Variants in GSDMD observed in about 807,000 individuals in gnomAD.
The protein encoded by GSDMD is gasdermin D, also known as gasdermin-D.
A neutral mutation model predicts 46.7 loss-of-function variants in GSDMD; 46 were observed. The observed-to-expected ratio is 0.99, with a 90% CI of 0.78 to 1.26. GSDMD has a LOEUF of 1.26. Ranked by LOEUF, GSDMD falls within the 50% of genes most tolerant of loss-of-function variation. The pLI is 0.00. For missense variants in GSDMD, 649 were observed against 638.8 expected (o/e 1.02, Z -0.17); for synonymous variants, 307 against 283.1 (o/e 1.08, Z -0.85).
rs1270424384 is a variant in GSDMD, at chr8:143,560,721, A to G, written c.529A>G (p.Lys177Glu). Residue 177 changes from lysine to glutamate, a missense_variant, in exon 4 of 11, where the codon AAG becomes GAG. Coordinates refer to ENST00000262580, the MANE Select transcript of GSDMD (RefSeq NM_024736.7). ...GGAGGTGGAAGTCACGCGCACCCAC[A>G]AGCGGGAGGGCTCGGGCCGGTTTTC... ...QKEVEVTRTHKREGSGRFSLP... is the reference protein window; with the variant it reads ...QKEVEVTRTHEREGSGRFSLP... 2 of 1,572,644 alleles carry G rather than the reference A, an allele frequency of 1.3e-6. No homozygotes were observed. Among genetic ancestry groups the G allele is most frequent in the Non-Finnish European group, 1.7e-6 (2 of 1,159,150 alleles).
At chr8:143,558,290 G>A (rs1823356486), upstream of GSDMD, 2 of 1,487,996 alleles carry the variant, frequency 1.3e-6, no homozygotes, top group Non-Finnish European at 1.8e-6. Flanking sequence ...GGGGGCCGGG[G>A]CGGGCTCTCC....
chr8:143,554,166 C>A (rs1823258125), upstream of GSDMD, among the ~76,000 whole-genome samples: 2 of 152,240 alleles, frequency 1.3e-5, no homozygotes, highest in African/African-American at 4.8e-5. Context: ...CTTCCTGCAG[C>A]GGACAGCCAC....
At chr8:143,558,295 C>A (rs1461408029), upstream of GSDMD, 15 of 1,493,896 alleles carry the variant, frequency 1.0e-5, no homozygotes, top group South Asian at 2.5e-5. Flanking sequence ...CCGGGGCGGG[C>A]TCTCCGGGAC....
chr8:143,560,889 T>C, intron 4 of GSDMD, 113 bp from the exon 5 acceptor site: 1 of 1,433,552 alleles, frequency 7.0e-7, no homozygotes. Context: ...GCCCTGCGCT[T>C]GGCTGCGGAG....
chr8:143,558,041 T>C (rs1389182508), upstream of GSDMD: 5 of 380,742 alleles, frequency 1.3e-5, no homozygotes, highest in South Asian at 4.1e-5. Context: ...ATCACAGGCA[T>C]GCGCCACCAC....
In GSDMD at chr8:143,560,696, G is replaced by A; in HGVS notation, c.504G>A (p.Lys168=). 1.3e-6 allele frequency: 2 copies of A among 1,584,588 alleles called. No individual in the cohort carries two copies. Among genetic ancestry groups the A allele is most frequent in the South Asian group, 1.1e-5 (1 of 87,252 alleles). ...YVVTEVLQTQ[K]EVEVTRTHKR... ...TGACTGAGGTGCTGCAGACACAGAA[G>A]GAGGTGGAAGTCACGCGCACCCACA... is the stretch of plus-strand genomic sequence containing the variant. The change falls in exon 4 of 11, where the codon AAG becomes AAA. Residue 168 remains lysine, a synonymous_variant. Transcript: ENST00000262580.
Position 143,561,418 on chromosome 8 carries a change from C to A in GSDMD, c.731C>A (p.Ala244Glu). The A allele has an allele frequency of 1.9e-6, 3 of 1,611,286 alleles. No homozygotes were observed. Among genetic ancestry groups the A allele is most frequent in the Non-Finnish European group, 2.5e-6 (3 of 1,179,428 alleles). Reference protein sequence around the residue: ...DKKQRTFQPPATGHKRSTSEG... With the variant: ...DKKQRTFQPPETGHKRSTSEG... ...AAGCAGAGGACCTTCCAGCCACCCG[C>A]GACAGGTGAGAGCCGAGAGCCCCCA... The change falls in exon 6 of 11, where the codon GCG (alanine) becomes GAG (glutamate). Residue 244 changes from alanine (A) to glutamate (E), a missense_variant. Transcript: ENST00000262580.
chr8:143,558,793 G>A, intron 1 of GSDMD: 2 of 593,130 alleles, frequency 3.4e-6, no homozygotes, highest in Non-Finnish European at 6.3e-6. Context: ...CCTCCACAGT[G>A]GCCCAGGTGC....
rs753632953 is a variant in GSDMD at position 143,560,901 on chromosome 8, C to T, written c.580-101C>T. Reference sequence around the variant, plus strand: ...CCAGCCCTGCGCTTGGCTGCGGAGCCGAAGTCACCTGGCGGCGGGCCTGCC... The same window carrying T: ...CCAGCCCTGCGCTTGGCTGCGGAGCTGAAGTCACCTGGCGGCGGGCCTGCC... On this transcript the variant is annotated intron_variant, in intron 4 of 10. Coordinates refer to ENST00000262580, the MANE Select transcript of GSDMD (RefSeq NM_024736.7). The T allele has an allele frequency of 3.1e-5, 44 of 1,438,434 alleles. No homozygotes were observed. In the African/African-American group the frequency reaches 3.7e-4, roughly 12 times the overall value. The allele number at this position is 1,438,434 out of a possible 1,614,324, so 89.1% of individuals were successfully genotyped here.
intron 3 of GSDMD, chr8:143,560,384 G>T: frequency 3.1e-6 from 2 of 635,334 alleles, no homozygotes; most frequent in East Asian, 2.7e-5. Context: ...AGGTGAGGGG[G>T]CCGCACCTCG....
rs753943906 is a variant in GSDMD, at chr8:143,562,907, TGTGCCCG to T, written c.*5_*11del. ...GACTGAGCCAGGAGCCCCACTAGCC[TGTGCCCG>T]GGCATGGCCTGGCAGCTCTCCAGCA... On this transcript the variant is annotated 3_prime_UTR_variant, in exon 11 of 11. Coordinates refer to ENST00000262580, the MANE Select transcript of GSDMD (RefSeq NM_024736.7). 6 of 1,611,976 alleles carry T rather than the reference TGTGCCCG, an allele frequency of 3.7e-6. 1 individual carries two copies. Among genetic ancestry groups the T allele is most frequent in the Non-Finnish European group, 5.1e-6 (6 of 1,179,958 alleles).
Position 143,559,464 on chromosome 8 carries a change from G to A in GSDMD, c.129G>A (p.Lys43=). ...GFQPYCLVVR[K]PSSSWFWKPR... ...AGCCCTACTGCCTGGTGGTTAGGAA[G>A]CCCTCAAGCTCATGGTTCTGGAAAC... Residue 43 remains lysine (K), a synonymous_variant, in exon 2 of 11, where the codon AAG becomes AAA. Transcript: ENST00000262580. 6.2e-7 allele frequency: 1 copy of A among 1,612,934 alleles called. No individual in the cohort carries two copies.
rs373227688 is a variant in GSDMD, at chr8:143,559,489, C to T, written c.154C>T (p.Pro52Ser). 18 of 1,612,798 alleles carry T rather than the reference C, an allele frequency of 1.1e-5. No individual in the cohort carries two copies. The highest frequency in any genetic ancestry group is 1.4e-5 in the Non-Finnish European group (17 of 1,180,014). Reference protein sequence around the residue: ...RKPSSSWFWKPRYKCVNLSIK... With the variant: ...RKPSSSWFWKSRYKCVNLSIK... The stretch of plus-strand genomic sequence containing the variant: ...GCCCTCAAGCTCATGGTTCTGGAAA[C>T]CCCGTTATAAGTGTGTCAACCTGTC... Residue 52 changes from proline (P) to serine (S), a missense_variant, in exon 2 of 11, where the codon CCC (proline) becomes TCC (serine). By Grantham distance (74) the Pro-to-Ser change is moderately conservative (BLOSUM62 -1). Transcript: ENST00000262580.
At chr8:143,558,273 G>A, upstream of GSDMD, 5 of 1,456,964 alleles carry the variant, frequency 3.4e-6, no homozygotes, top group East Asian at 2.7e-5. Flanking sequence ...GGAAGAGGGG[G>A]CAGGAAGGGG....
chr8:143,557,019 G>A (rs1430114451), upstream of GSDMD, among the ~76,000 whole-genome samples: 1 of 152,248 alleles, frequency 6.6e-6, no homozygotes, highest in East Asian at 1.9e-4. Flanking sequence ...CCCGTCCCGG[G>A]CACCGGCAGC....
chr8:143,560,923 T>TGG lies in GSDMD; in HGVS notation c.580-78_580-77insGG, dbSNP rs772554115. The TGG allele has an allele frequency of 2.7e-6, 4 of 1,456,558 alleles. 1 individual carries two copies. The South Asian group carries it at 4.8e-5, about 18-fold the overall frequency. 90.2% of individuals were successfully genotyped at this position (1,456,558 alleles called of 1,614,324 possible). A position where few individuals can be genotyped will look rare whatever the true frequency, so the allele number is the denominator to read the frequency against. On this transcript the variant is annotated intron_variant, in intron 4 of 10. Transcript: ENST00000262580. ...AGCCGAAGTCACCTGGCGGCGGGCC[T>TGG]GCCCCCGGCACCCGGCCCGCACCCG...
chr8:143,558,338 G>C (rs889372749), upstream of GSDMD: 1 of 1,523,582 alleles, frequency 6.6e-7, no homozygotes, highest in Admixed American at 2.0e-5. Context: ...CGGGCCCTGC[G>C]TCAGGTTGCA....
At chr8:143,557,354 T>A (rs62523580), upstream of GSDMD, among the ~76,000 whole-genome samples, 22,346 of 54,694 alleles carry the variant, frequency 0.41, 4,763 homozygotes, top group Non-Finnish European at 0.5. Context: ...TGCTGCCGCT[T>A]TGGCGAAGGA....
chr8:143,558,966 G>A (rs377663613), intron 1 of GSDMD: 3 of 567,162 alleles, frequency 5.3e-6, no homozygotes, highest in Admixed American at 2.3e-5. Flanking sequence ...TGACACTCTG[G>A]CTGGGTTTTG....
Sources: allele counts gnomAD v4.1 joint callset (sites outside exome capture counted in the v4.1 genomes callset), GRCh38; gene constraint gnomAD v4.1.1; transcripts MANE v1.5; gene names NCBI Gene and HGNC (gene_info 2026-07-23, HGNC 2026-07-21).